Variants in DAAM2 observed in about 807,000 individuals in gnomAD.
The protein encoded by DAAM2 is dishevelled associated activator of morphogenesis 2.
Under a neutral mutation model 120.7 loss-of-function variants are expected in DAAM2, and 39 were observed. The observed-to-expected ratio is 0.32, with a 90% CI of 0.25 to 0.42. DAAM2 has a LOEUF of 0.42. Among genes scored for constraint, DAAM2 ranks in the 10% least tolerant of loss-of-function variants. The pLI, the probability that DAAM2 is intolerant of heterozygous loss-of-function variation, is 1.00. For missense variants in DAAM2, 1,283 were observed against 1,401.7 expected (o/e 0.92, Z 1.35); for synonymous variants, 488 against 524.9 (o/e 0.93, Z 0.96).
intron 1 of DAAM2, among the ~76,000 whole-genome samples, chr6:39,802,562 A>G (rs1048034382): frequency 2.0e-5 from 3 of 152,170 alleles, no homozygotes; most frequent in African/African-American, 7.2e-5. Flanking sequence ...AGTAGAGAAC[A>G]GAGAGTGCAT....
intron 5 of DAAM2, chr6:39,867,247 G>C (rs1463028997): frequency 4.3e-6 from 2 of 466,268 alleles, no homozygotes; most frequent in African/African-American, 3.9e-5. Flanking sequence ...TCATGATCAT[G>C]TGAAGAGGAC....
chr6:39,804,565 C>A (rs1052523587), intron 1 of DAAM2, among the ~76,000 whole-genome samples: 1 of 151,218 alleles, frequency 6.6e-6, no homozygotes, highest in Non-Finnish European at 1.5e-5. Flanking sequence ...TGCATGCATG[C>A]GCACATACAC....
intron 9 of DAAM2, 86 bp from the exon 10 acceptor site, chr6:39,873,152 C>A (rs1764729354): frequency 1.2e-6 from 1 of 837,040 alleles, no homozygotes; most frequent in East Asian, 2.7e-5. Flanking sequence ...TGAGACAGGG[C>A]ATAGTGGATG....
chr6:39,886,654 A>G (rs1188368945), intron 15 of DAAM2: 3 of 391,208 alleles, frequency 7.7e-6, no homozygotes, highest in Non-Finnish European at 1.4e-5. Context: ...GCAGCAGTGG[A>G]GGTCAATGTC....
chr6:39,801,218 A>G (rs576583547), intron 1 of DAAM2, among the ~76,000 whole-genome samples: 55 of 152,298 alleles, frequency 3.6e-4, no homozygotes, highest in Middle Eastern at 3.4e-3. Context: ...CAGGATATGA[A>G]AAAGTACATT....
intron 1 of DAAM2, among the ~76,000 whole-genome samples, chr6:39,841,718 A>G (rs1028669596): frequency 6.6e-6 from 1 of 152,068 alleles, no homozygotes; most frequent in Non-Finnish European, 1.5e-5. Context: ...AGAGCTTGCA[A>G]GGATGTCTGG....
chr6:39,825,196 C>A (rs75661175), intron 1 of DAAM2, among the ~76,000 whole-genome samples: 3,105 of 152,068 alleles, frequency 0.02, 83 homozygotes, highest in African/African-American at 0.064. Flanking sequence ...CTGAAACCAG[C>A]CTGGCGGACA....
At chr6:39,890,722 T>A (rs1021953314) in intron 17 of DAAM2, among the ~76,000 whole-genome samples, 2 of 152,198 alleles carry the variant, frequency 1.3e-5, no homozygotes, top group Admixed American at 6.5e-5. Flanking sequence ...AATGGGTGCA[T>A]TTTATTTTAT....
intron 1 of DAAM2, among the ~76,000 whole-genome samples, chr6:39,816,204 C>A (rs12194559): frequency 6.6e-6 from 1 of 152,206 alleles, no homozygotes; most frequent in Admixed American, 6.5e-5. Context: ...CCCAAGGCTG[C>A]GCATTTCTAA....
chr6:39,856,182 G>C, intron 1 of DAAM2, 65 bp from the exon 2 acceptor site: 1 of 1,297,664 alleles, frequency 7.7e-7, no homozygotes, highest in Non-Finnish European at 9.8e-7. Context: ...TGAAGGCAGA[G>C]TGACCTCTGC....
At chr6:39,814,515 G>A (rs1762254495) in intron 1 of DAAM2, among the ~76,000 whole-genome samples, 1 of 152,234 alleles carries the variant, frequency 6.6e-6, no homozygotes, top group Admixed American at 6.5e-5. Flanking sequence ...CTGTTTTACA[G>A]ATTTGGAAAC....
At position 39,896,956 on chromosome 6, in the gene DAAM2, C is replaced by G; in HGVS notation, c.2486C>G (p.Ala829Gly). 6.2e-7 allele frequency: 1 copy of G among 1,611,230 alleles called. No homozygotes were observed. The highest frequency in any genetic ancestry group is 8.5e-7 in the Non-Finnish European group (1 of 1,178,644). The change falls in exon 20 of 25, where the codon GCT becomes GGT. Residue 829 changes from alanine (A) to glycine (G), a missense_variant. By Grantham distance (60) the Ala-to-Gly change is moderately conservative. Coordinates refer to ENST00000274867, the MANE Select transcript of DAAM2 (RefSeq NM_001201427.2). Reference sequence around the variant, plus strand: ...CGGGTGGCCAGCCTCAACAAGATCGCTGACACCAAGTCCAGCATCGACAGG... The same window carrying G: ...CGGGTGGCCAGCCTCAACAAGATCGGTGACACCAAGTCCAGCATCGACAGG... Reference protein sequence around the residue: ...GFRVASLNKIADTKSSIDRNI... With the variant: ...GFRVASLNKIGDTKSSIDRNI...
intron 1 of DAAM2, among the ~76,000 whole-genome samples, chr6:39,796,969 T>G (rs1163357045): frequency 6.6e-6 from 1 of 152,238 alleles, no homozygotes; most frequent in African/African-American, 2.4e-5. Flanking sequence ...TGAAAATACA[T>G]GGGTTTAGAC....
At chr6:39,869,037 T>C in intron 7 of DAAM2, 104 bp downstream of exon 7, 1 of 873,726 alleles carries the variant, frequency 1.1e-6, no homozygotes, top group Non-Finnish European at 1.8e-6. Context: ...CTATTAAACC[T>C]GGGAGGGCTC....
At chr6:39,811,174 A>AGTATGTGT (rs1337293751) in intron 1 of DAAM2, among the ~76,000 whole-genome samples, 61 of 146,560 alleles carry the variant, frequency 4.2e-4, no homozygotes, top group African/African-American at 1.5e-3. Context: ...AACTGAAGGG[A>AGTATGTGT]GTGTGTGTGT....
chr6:39,854,438 C>A (rs1763924671), intron 1 of DAAM2, among the ~76,000 whole-genome samples: 1 of 152,056 alleles, frequency 6.6e-6, no homozygotes, highest in African/African-American at 2.4e-5. Flanking sequence ...AAAAGATAAC[C>A]AGTAGTACAA....
rs1298140369 is a variant in DAAM2 at position 39,860,930 on chromosome 6, T to G, written c.171T>G (p.Asp57Glu). 6.2e-7 allele frequency: 1 copy of G among 1,612,256 alleles called. No homozygotes were observed. Among genetic ancestry groups the G allele is most frequent in the East Asian group, 2.2e-5 (1 of 44,846 alleles). Residue 57 changes from aspartate to glutamate, a missense_variant and splice_region_variant, in exon 3 of 25, where the codon GAT (aspartate) becomes GAG (glutamate). Physicochemically the swap from Asp to Glu is conservative, Grantham distance 45. Coordinates refer to ENST00000274867, the MANE Select transcript of DAAM2 (RefSeq NM_001201427.2). ...ELNIRFAELV[D>E]ELDLTDKNRE... is the part of the protein sequence containing the mutation. ...ATTTTTTCTTATTGTCTTTGCAGGA[T>G]GAATTGGATCTCACTGACAAAAACC...
At chr6:39,840,138 G>T (rs1763267709) in intron 1 of DAAM2, among the ~76,000 whole-genome samples, 1 of 152,090 alleles carries the variant, frequency 6.6e-6, no homozygotes, top group African/African-American at 2.4e-5. Flanking sequence ...GAGGCAGGAG[G>T]ATCGCTTGAG....
chr6:39,883,830 C>T, intron 14 of DAAM2, 132 bp from the exon 15 acceptor site: 1 of 656,950 alleles, frequency 1.5e-6, no homozygotes, highest in South Asian at 1.8e-5. Context: ...CAACCGACTA[C>T]CTTCTGAAGG....
Sources: gnomAD v4.1 joint callset for allele counts (sites outside exome capture counted in the v4.1 genomes callset) on GRCh38, gnomAD v4.1.1 for gene constraint, MANE v1.5 for transcripts, NCBI Gene and HGNC (gene_info 2026-07-23, HGNC 2026-07-21) for gene names.